The following RAB38 variants were observed in gnomAD, a reference collection of about 807,000 sequenced individuals.
RAB38 encodes ras-related protein Rab-38.
A neutral mutation model predicts 18.4 loss-of-function variants in RAB38; 15 were observed. That is an observed-to-expected ratio of 0.82 (90% CI 0.55 to 1.26). The LOEUF is 1.26. RAB38 is among the 50% of genes most tolerant of loss of function. RAB38 has a pLI of 0.00. For synonymous variants in RAB38, 101 were observed against 104.4 expected (o/e 0.97, Z 0.20); for missense variants, 294 against 267.4 (o/e 1.10, Z -0.69).
At chr11:88,142,996 T>C (rs1417492223) in intron 2 of RAB38, among the ~76,000 whole-genome samples, 1 of 152,184 alleles carries the variant, frequency 6.6e-6, no homozygotes, top group Non-Finnish European at 1.5e-5. Flanking sequence ...TCTATCCCAG[T>C]CCCTGGTCTA....
chr11:87,957,120 G>C, the RAB38 span, among the ~76,000 whole-genome samples: 1 of 151,970 alleles, frequency 6.6e-6, no homozygotes, highest in Admixed American at 6.6e-5. Flanking sequence ...AGTGGGTGAG[G>C]AAAAATATTT....
the RAB38 span, among the ~76,000 whole-genome samples, chr11:88,073,642 C>T: frequency 1.3e-5 from 2 of 152,004 alleles, no homozygotes; most frequent in Non-Finnish European, 1.5e-5. Flanking sequence ...CAAGAAACAA[C>T]AGCAAGCAAG....
At chr11:88,158,471 A>C (rs1340977302) in intron 1 of RAB38, among the ~76,000 whole-genome samples, 1 of 152,140 alleles carries the variant, frequency 6.6e-6, no homozygotes, top group Non-Finnish European at 1.5e-5. Context: ...GACACAATGA[A>C]AAAAGAAAAC....
the RAB38 span, among the ~76,000 whole-genome samples, chr11:88,078,022 T>C: frequency 1.3e-5 from 2 of 151,982 alleles, no homozygotes; most frequent in African/African-American, 4.8e-5. Context: ...GATATGAATA[T>C]ACATTACTCA....
At chr11:88,088,655 C>T in the RAB38 span, among the ~76,000 whole-genome samples, 6 of 151,816 alleles carry the variant, frequency 4.0e-5, no homozygotes, top group East Asian at 5.8e-4. Context: ...TTTCCTGTCA[C>T]GACCAGAGTT....
the RAB38 span, among the ~76,000 whole-genome samples, chr11:88,008,044 A>T: frequency 6.6e-6 from 1 of 152,154 alleles, no homozygotes; most frequent in Non-Finnish European, 1.5e-5. Flanking sequence ...ATGGTTATGT[A>T]AATCAGGAGA....
chr11:87,834,924 C>T, the RAB38 span, among the ~76,000 whole-genome samples: 3 of 152,186 alleles, frequency 2.0e-5, no homozygotes, highest in African/African-American at 7.2e-5. Context: ...GAAACTGATG[C>T]TCAGCAAGTT....
intron 1 of RAB38, among the ~76,000 whole-genome samples, chr11:88,162,143 G>A (rs1422361140): frequency 6.6e-6 from 1 of 152,122 alleles, no homozygotes; most frequent in Non-Finnish European, 1.5e-5. Context: ...TCCTAGTGAT[G>A]GTGGTTATTT....
At chr11:88,035,222 G>C in the RAB38 span, among the ~76,000 whole-genome samples, 1 of 152,026 alleles carries the variant, frequency 6.6e-6, no homozygotes, top group Non-Finnish European at 1.5e-5. Context: ...GATGTCTTTT[G>C]ATGAATAAAG....
the RAB38 span, among the ~76,000 whole-genome samples, chr11:87,964,655 G>A: frequency 7.9e-5 from 12 of 152,118 alleles, no homozygotes; most frequent in African/African-American, 2.9e-4. Flanking sequence ...GGTATTACCT[G>A]CTTCCTCCTT....
chr11:88,135,035 G>A (rs1300577773), intron 2 of RAB38, among the ~76,000 whole-genome samples: 3 of 151,828 alleles, frequency 2.0e-5, no homozygotes, highest in East Asian at 1.9e-4. Context: ...CCACTTCCTC[G>A]ACCATTTTCT....
At chr11:87,806,558 C>T in the RAB38 span, among the ~76,000 whole-genome samples, 1 of 152,084 alleles carries the variant, frequency 6.6e-6, no homozygotes, top group Non-Finnish European at 1.5e-5. Context: ...AGTATAGAAG[C>T]ATGCTATTAT....
At chr11:87,854,009 G>A in the RAB38 span, among the ~76,000 whole-genome samples, 1 of 152,128 alleles carries the variant, frequency 6.6e-6, no homozygotes, top group Non-Finnish European at 1.5e-5. Flanking sequence ...AGCAATGACA[G>A]GTCTCGTTCT....
At chr11:88,077,067 T>C in the RAB38 span, among the ~76,000 whole-genome samples, 1 of 143,262 alleles carries the variant, frequency 7.0e-6, no homozygotes, top group East Asian at 2.1e-4. Flanking sequence ...ATATAAAATA[T>C]CTAGGAATCA....
the RAB38 span, among the ~76,000 whole-genome samples, chr11:87,902,297 C>A: frequency 0.026 from 3,932 of 151,574 alleles, 73 homozygotes; most frequent in Non-Finnish European, 0.039. Context: ...TAGAAATTAT[C>A]CTTTTACAAA....
chr11:88,073,622 C>T, the RAB38 span, among the ~76,000 whole-genome samples: 1 of 152,018 alleles, frequency 6.6e-6, no homozygotes, highest in Non-Finnish European at 1.5e-5. Flanking sequence ...AAGACATAGA[C>T]ATACATCCAC....
chr11:87,875,929 C>A, the RAB38 span, among the ~76,000 whole-genome samples: 1 of 151,618 alleles, frequency 6.6e-6, no homozygotes, highest in African/African-American at 2.4e-5. Context: ...ACAGATTTTA[C>A]TTTTTCCTCC....
the RAB38 span, among the ~76,000 whole-genome samples, chr11:87,947,285 T>A: frequency 3.9e-5 from 6 of 152,172 alleles, no homozygotes. Context: ...ATTCTGGATA[T>A]TAGCTCTTTG....
the RAB38 span, among the ~76,000 whole-genome samples, chr11:87,838,622 G>A: frequency 6.6e-6 from 1 of 152,140 alleles, no homozygotes; most frequent in Non-Finnish European, 1.5e-5. Flanking sequence ...TTATCAAGGA[G>A]AAGCATTCAG....
Sources: gnomAD v4.1 joint callset for allele counts (sites outside exome capture counted in the v4.1 genomes callset) on GRCh38, gnomAD v4.1.1 for gene constraint, MANE v1.5 for transcripts, NCBI Gene and HGNC (gene_info 2026-07-23, HGNC 2026-07-21) for gene names.